The following GRM5 variants were observed in gnomAD, a reference collection of about 807,000 sequenced individuals.
GRM5 encodes glutamate metabotropic receptor 5.
GRM5 carries 19 observed loss-of-function variants against 83.1 expected under a neutral mutation model. That is an observed-to-expected ratio of 0.23 (90% CI 0.16 to 0.34). The LOEUF is 0.34. Ranked by LOEUF, GRM5 falls within the 10% of genes least tolerant of loss-of-function variation. The pLI, the probability that GRM5 is intolerant of heterozygous loss-of-function variation, is 1.00. For synonymous variants in GRM5, 675 were observed against 633.6 expected (o/e 1.07, Z -0.98); for missense variants, 1,160 against 1,588.3 (o/e 0.73, Z 4.58).
intron 7 of GRM5, among the ~76,000 whole-genome samples, chr11:88,568,875 C>G (rs1417172599): frequency 6.6e-6 from 1 of 152,070 alleles, no homozygotes; most frequent in Non-Finnish European, 1.5e-5. Context: ...AAACTGACCC[C>G]AAAGGCAAAC....
At chr11:88,964,816 CT>C (rs141525098) in intron 2 of GRM5, among the ~76,000 whole-genome samples, 9,927 of 152,076 alleles carry the variant, frequency 0.065, 1,069 homozygotes, top group African/African-American at 0.22. Flanking sequence ...ACTTGGCCTA[CT>C]TTTGTATATT....
chr11:88,796,737 G>C (rs1224255880), intron 3 of GRM5, among the ~76,000 whole-genome samples: 2 of 152,100 alleles, frequency 1.3e-5, no homozygotes, highest in Admixed American at 6.6e-5. Context: ...AAATGCTCTT[G>C]AGATCTTAGG....
intron 8 of GRM5, among the ~76,000 whole-genome samples, chr11:88,546,703 C>A (rs182004824): frequency 1.3e-5 from 2 of 151,882 alleles, no homozygotes; most frequent in Non-Finnish European, 2.9e-5. Flanking sequence ...AAGCTTGATG[C>A]GTGGGGATAA....
intron 2 of GRM5, among the ~76,000 whole-genome samples, chr11:88,886,202 T>G (rs545924312): frequency 6.6e-6 from 1 of 152,314 alleles, no homozygotes; most frequent in African/African-American, 2.4e-5. Context: ...TTCGGCCTAT[T>G]AAACCTTTGC....
chr11:88,789,552 A>G (rs568808584), intron 3 of GRM5, among the ~76,000 whole-genome samples: 1 of 152,150 alleles, frequency 6.6e-6, no homozygotes, highest in East Asian at 1.9e-4. Flanking sequence ...ATACTCAGAG[A>G]ATTTATAAAC....
At chr11:88,878,897 T>TA (rs1944903072) in intron 2 of GRM5, among the ~76,000 whole-genome samples, 2 of 152,226 alleles carry the variant, frequency 1.3e-5, no homozygotes, top group South Asian at 4.1e-4. Flanking sequence ...ACTATAGGAA[T>TA]AAAAATCAGA....
chr11:89,018,094 C>A (rs1452211427), intron 2 of GRM5, among the ~76,000 whole-genome samples: 2 of 152,042 alleles, frequency 1.3e-5, no homozygotes, highest in African/African-American at 4.8e-5. Context: ...GAAATTAGTA[C>A]AATACAGCAT....
Position 89,060,307 on chromosome 11 carries a change from T to C in GRM5, c.-201+5469A>G, listed in dbSNP as rs999106073. 1.0e-4 allele frequency among the ~76,000 whole-genome samples: 15 copies of C among 150,246 alleles called. No individual in the cohort carries two copies. The South Asian group carries it at 1.1e-3, about 11-fold the overall frequency. On this transcript the variant is annotated intron_variant, in intron 1 of 9. Transcript: ENST00000305447. ...ATATACACACACACACACACACACA[T>C]ATATATGAATGAAATATATGTTTCC...
At chr11:88,927,543 T>C (rs543973732) in intron 2 of GRM5, among the ~76,000 whole-genome samples, 3 of 152,282 alleles carry the variant, frequency 2.0e-5, no homozygotes, top group African/African-American at 7.2e-5. Context: ...ATCATAAAAT[T>C]GGCAATTTTT....
intron 9 of GRM5, among the ~76,000 whole-genome samples, chr11:88,515,981 G>A (rs1385037617): frequency 3.9e-5 from 6 of 152,128 alleles, no homozygotes. Flanking sequence ...TTCACCTATG[G>A]CATCATATTT....
intron 2 of GRM5, among the ~76,000 whole-genome samples, chr11:88,944,537 C>T (rs1226762374): frequency 6.6e-6 from 1 of 151,264 alleles, no homozygotes; most frequent in Non-Finnish European, 1.5e-5. Context: ...ACCTACGTGC[C>T]TTTTTTTTCA....
At chr11:88,720,878 C>A (rs1199559436) in intron 3 of GRM5, among the ~76,000 whole-genome samples, 1 of 150,542 alleles carries the variant, frequency 6.6e-6, no homozygotes, top group Non-Finnish European at 1.5e-5. Context: ...GGCACAAAAC[C>A]AGTCTCTATC....
chr11:88,735,759 T>C (rs1941899139), intron 3 of GRM5, among the ~76,000 whole-genome samples: 1 of 152,070 alleles, frequency 6.6e-6, no homozygotes, highest in African/African-American at 2.4e-5. Flanking sequence ...GAAGTCACCA[T>C]GTCAAAATGT....
intron 2 of GRM5, among the ~76,000 whole-genome samples, chr11:88,980,178 C>T (rs554450): frequency 0.034 from 5,226 of 152,226 alleles, 185 homozygotes; most frequent in South Asian, 0.074. Context: ...ATTGAAAAAA[C>T]ACAGCTGAAA....
At chr11:88,651,275 A>C (rs1333234828) in intron 4 of GRM5, among the ~76,000 whole-genome samples, 1 of 152,082 alleles carries the variant, frequency 6.6e-6, no homozygotes, top group Non-Finnish European at 1.5e-5. Flanking sequence ...ATTTCAGACC[A>C]AAAAACAGTG....
At chr11:88,530,737 A>G (rs1156533827) in intron 8 of GRM5, among the ~76,000 whole-genome samples, 2 of 152,126 alleles carry the variant, frequency 1.3e-5, no homozygotes, top group East Asian at 1.9e-4. Flanking sequence ...GTGAAAGACT[A>G]GAAGAAAATA....
At chr11:88,728,564 A>C (rs1220869205) in intron 3 of GRM5, among the ~76,000 whole-genome samples, 1 of 152,170 alleles carries the variant, frequency 6.6e-6, no homozygotes, top group Non-Finnish European at 1.5e-5. Context: ...TGGCAGAGAC[A>C]CAACAAAAAA....
chr11:88,588,694 T>C (rs1937593451), intron 7 of GRM5, among the ~76,000 whole-genome samples: 1 of 152,186 alleles, frequency 6.6e-6, no homozygotes, highest in African/African-American at 2.4e-5. Context: ...ACCACAAATT[T>C]AAATTACGAC....
chr11:88,693,207 T>C (rs929380792), intron 3 of GRM5, among the ~76,000 whole-genome samples: 1 of 152,238 alleles, frequency 6.6e-6, no homozygotes, highest in Non-Finnish European at 1.5e-5. Context: ...CAAAACACTA[T>C]GTTAGGTACT....
Sources: allele counts gnomAD v4.1 joint callset (sites outside exome capture counted in the v4.1 genomes callset), GRCh38; gene constraint gnomAD v4.1.1; transcripts MANE v1.5; gene names NCBI Gene and HGNC (gene_info 2026-07-23, HGNC 2026-07-21).